ETNK1: variants seen among roughly 807,000 people sequenced by gnomAD.
ETNK1 encodes the protein putative protein product of Nbla10396.
A neutral mutation model predicts 45.1 loss-of-function variants in ETNK1; 8 were observed. That is an observed-to-expected ratio of 0.18 (90% CI 0.10 to 0.32). The LOEUF (loss-of-function observed/expected upper bound fraction) is 0.32. Among genes scored for constraint, ETNK1 ranks in the 10% least tolerant of loss-of-function variants. ETNK1 has a pLI of 1.00. For synonymous variants in ETNK1, 152 were observed against 151.9 expected (o/e 1.00, Z -0.01); for missense variants, 302 against 430.6 (o/e 0.70, Z 2.64).
intron 4 of ETNK1, among the ~76,000 whole-genome samples, chr12:22,668,925 C>T (rs1954080091): frequency 6.6e-6 from 1 of 152,062 alleles, no homozygotes; most frequent in Non-Finnish European, 1.5e-5. Flanking sequence ...GATGTTTTAC[C>T]TGCCATTTTA....
intron 1 of ETNK1, among the ~76,000 whole-genome samples, chr12:22,638,095 T>C (rs1592114363): frequency 6.6e-6 from 1 of 152,114 alleles, no homozygotes; most frequent in East Asian, 1.9e-4. Context: ...AATAATTGAA[T>C]ACAAAATTCT....
At chr12:22,665,863 CAGAT>C (rs1406608264) in intron 4 of ETNK1, among the ~76,000 whole-genome samples, 1 of 151,836 alleles carries the variant, frequency 6.6e-6, no homozygotes, top group African/African-American at 2.4e-5. Flanking sequence ...ACTTAATTAA[CAGAT>C]AGATATGATG....
At chr12:22,650,177 C>T (rs190939186) in intron 2 of ETNK1, among the ~76,000 whole-genome samples, 63 of 151,184 alleles carry the variant, frequency 4.2e-4, no homozygotes, top group Admixed American at 1.4e-3. Context: ...GCTCATTCCG[C>T]GAGGTTTTTT....
intron 4 of ETNK1, among the ~76,000 whole-genome samples, chr12:22,668,047 A>G (rs1440445457): frequency 6.6e-6 from 1 of 152,224 alleles, no homozygotes; most frequent in African/African-American, 2.4e-5. Context: ...TGATAATTAC[A>G]TAAAGATAAA....
At chr12:22,635,415 C>G (rs1430906905) in intron 1 of ETNK1, among the ~76,000 whole-genome samples, 5 of 152,344 alleles carry the variant, frequency 3.3e-5, no homozygotes, top group African/African-American at 1.2e-4. Flanking sequence ...TGAAGCTGAT[C>G]TTGCTTTGTC....
At chr12:22,668,116 C>G (rs1443245641) in intron 4 of ETNK1, among the ~76,000 whole-genome samples, 1 of 152,084 alleles carries the variant, frequency 6.6e-6, no homozygotes, top group African/African-American at 2.4e-5. Flanking sequence ...GGTCAGGGGT[C>G]CCTTGAGAAT....
intron 1 of ETNK1, among the ~76,000 whole-genome samples, chr12:22,626,384 A>G (rs1339847658): frequency 1.3e-5 from 2 of 152,078 alleles, no homozygotes; most frequent in African/African-American, 2.4e-5. Context: ...TTCAGGAACT[A>G]GATACAAAAA....
intron 2 of ETNK1, among the ~76,000 whole-genome samples, chr12:22,646,428 A>T (rs764015453): frequency 1.3e-5 from 2 of 151,784 alleles, no homozygotes; most frequent in African/African-American, 2.4e-5. Flanking sequence ...TAAATTTGGG[A>T]TGATGTGCTT....
At chr12:22,673,859 A>G (rs1361460680) in intron 6 of ETNK1, among the ~76,000 whole-genome samples, 199 bp downstream of exon 6, 1 of 152,198 alleles carries the variant, frequency 6.6e-6, no homozygotes, top group Non-Finnish European at 1.5e-5. Context: ...ATTTCCTGCT[A>G]TATCCCCATC....
Position 22,625,204 on chromosome 12 carries a change from A to G in ETNK1, c.-227A>G, listed in dbSNP as rs776668420. 8.1e-6 allele frequency: 13 copies of G among 1,609,764 alleles called. No homozygotes were observed. In the South Asian group the frequency reaches 1.1e-4, roughly 14 times the overall value. The stretch of plus-strand genomic sequence containing the variant: ...CCGCGGTCCAGCTCCGACAACAGGA[A>G]TTTTCTCCGAGAGCGGGCCGGGCTC... On this transcript the variant is annotated 5_prime_UTR_variant, in exon 1 of 8. Coordinates refer to ENST00000266517, the MANE Select transcript of ETNK1 (RefSeq NM_018638.5).
chr12:22,625,742 T>G, intron 1 of ETNK1, 156 bp downstream of exon 1: 1 of 1,106,718 alleles, frequency 9.0e-7, no homozygotes, highest in Non-Finnish European at 1.3e-6. Context: ...CCCTCACACC[T>G]AGGAGGGTCA....
At chr12:22,662,242 ATTT>A (rs774396641) in intron 4 of ETNK1, among the ~76,000 whole-genome samples, 2 of 73,426 alleles carry the variant, frequency 2.7e-5, no homozygotes, top group Non-Finnish European at 2.8e-5. Flanking sequence ...TAATTTTTGT[ATTT>A]TTTTTTTTTT....
At chr12:22,649,613 T>C (rs1953849847) in intron 2 of ETNK1, among the ~76,000 whole-genome samples, 1 of 152,138 alleles carries the variant, frequency 6.6e-6, no homozygotes, top group Non-Finnish European at 1.5e-5. Context: ...TTAATTGCTA[T>C]AGCTTTATGG....
intron 1 of ETNK1, among the ~76,000 whole-genome samples, chr12:22,643,428 C>G (rs1011350582): frequency 2.6e-5 from 4 of 151,786 alleles, no homozygotes; most frequent in Non-Finnish European, 5.9e-5. Context: ...CACAAATGTG[C>G]AAAGATTGTG....
Position 22,625,208 on chromosome 12 carries a change from T to C in ETNK1, c.-223T>C. ...GGTCCAGCTCCGACAACAGGAATTT[T>C]CTCCGAGAGCGGGCCGGGCTCAGTT... On this transcript the variant is annotated 5_prime_UTR_variant, in exon 1 of 8. Coordinates refer to ENST00000266517, the MANE Select transcript of ETNK1 (RefSeq NM_018638.5). The C allele has an allele frequency of 6.2e-7, 1 of 1,609,874 alleles. No homozygotes were observed. Among genetic ancestry groups the C allele is most frequent in the Non-Finnish European group, 8.5e-7 (1 of 1,178,112 alleles).
rs1030931161 is a variant in ETNK1, at chr12:22,625,357, G to A, written c.-74G>A. 6.4e-7 allele frequency: 1 copy of A among 1,553,152 alleles called. No homozygotes were observed. Among genetic ancestry groups the A allele is most frequent in the Non-Finnish European group, 8.7e-7 (1 of 1,152,526 alleles). On this transcript the variant is annotated 5_prime_UTR_variant, in exon 1 of 8. Transcript: ENST00000266517. ...CGCCCCGGGACGGAAGGATCCACCAGTCTGTCGGCGCCCGCCGTTCTCGTG... is the reference window on the plus strand; with the variant it reads ...CGCCCCGGGACGGAAGGATCCACCAATCTGTCGGCGCCCGCCGTTCTCGTG...
intron 4 of ETNK1, among the ~76,000 whole-genome samples, chr12:22,666,470 AATC>A (rs1211017826): frequency 1.3e-5 from 2 of 152,154 alleles, no homozygotes; most frequent in Non-Finnish European, 2.9e-5. Context: ...AATTTCAACT[AATC>A]ATTTAACTAC....
At chr12:22,637,826 T>C (rs1297806289) in intron 1 of ETNK1, among the ~76,000 whole-genome samples, 1 of 151,886 alleles carries the variant, frequency 6.6e-6, no homozygotes, top group East Asian at 1.9e-4. Flanking sequence ...CTTATATACT[T>C]ATATTGGGTA....
intron 4 of ETNK1, among the ~76,000 whole-genome samples, chr12:22,662,664 C>G (rs1954017516): frequency 6.6e-6 from 1 of 152,110 alleles, no homozygotes; most frequent in Admixed American, 6.5e-5. Flanking sequence ...TCCTAAAGTG[C>G]TGGGATTACT....
Sources: gnomAD v4.1 joint callset for allele counts (sites outside exome capture counted in the v4.1 genomes callset) on GRCh38, gnomAD v4.1.1 for gene constraint, MANE v1.5 for transcripts, NCBI Gene and HGNC (gene_info 2026-07-23, HGNC 2026-07-21) for gene names.